The following NUCB1 variants were observed in gnomAD, a reference collection of about 807,000 sequenced individuals.
NUCB1 encodes nucleobindin-1.
NUCB1 carries 47 observed loss-of-function variants against 61.2 expected under a neutral mutation model. The ratio of observed to expected loss-of-function variants is 0.77; its 90% CI spans 0.61 to 0.98. The LOEUF is 0.98. Among genes scored for constraint, NUCB1 ranks in the 50% least tolerant of loss-of-function variants. The pLI is 0.00. For synonymous variants in NUCB1, 234 were observed against 243.1 expected (o/e 0.96, Z 0.35); for missense variants, 583 against 605.3 (o/e 0.96, Z 0.39).
chr19:48,918,951 A>C lies in NUCB1; in HGVS notation c.817-79A>C, dbSNP rs868631675. ...CCAGGAGTGGTAGCGTGCCCAAAGG[A>C]CTGCTGGGAGTTGAAGTTGTCGGGA... On this transcript the variant is annotated intron_variant, in intron 8 of 12. Coordinates refer to ENST00000405315, the MANE Select transcript of NUCB1 (RefSeq NM_006184.6). 3 of 1,444,958 alleles carry C rather than the reference A, an allele frequency of 2.1e-6. No homozygotes were observed. In the Admixed American group the frequency reaches 5.5e-5, roughly 26 times the overall value. The allele number at this position is 1,444,958 out of a possible 1,614,324, so 89.5% of individuals were successfully genotyped here.
rs116429405 is a variant in NUCB1 at position 48,922,001 on chromosome 19, G to A, written c.1279+69G>A. On this transcript the variant is annotated intron_variant, in intron 12 of 12. Transcript: ENST00000405315. Reference sequence around the variant, plus strand: ...CCTGGGTCTGAGGTTGGAGGGGCTGGGCCTGGACTCCCAGATCTGAGGGAA... The same window carrying A: ...CCTGGGTCTGAGGTTGGAGGGGCTGAGCCTGGACTCCCAGATCTGAGGGAA... The A allele has an allele frequency of 1.7e-3, 2,162 of 1,247,016 alleles. 22 individuals carry two copies. In the African/African-American group the frequency reaches 0.029, roughly 17 times the overall value. 77.2% of individuals were successfully genotyped at this position (1,247,016 alleles called of 1,614,324 possible). A position where few individuals can be genotyped will look rare whatever the true frequency, so the allele number is the denominator to read the frequency against.
intron 3 of NUCB1, among the ~76,000 whole-genome samples, chr19:48,905,019 TC>T (rs1305948425): frequency 1.3e-5 from 2 of 152,170 alleles, no homozygotes; most frequent in African/African-American, 4.8e-5. Flanking sequence ...CTATGGGGCC[TC>T]CCCTCACCGT....
At chr19:48,918,611 GT>G in intron 7 of NUCB1, 114 bp from the exon 8 acceptor site, 1 of 818,562 alleles carries the variant, frequency 1.2e-6, no homozygotes, top group Non-Finnish European at 2.2e-6. Flanking sequence ...CGGGAGACCC[GT>G]AGTTACCTGT....
chr19:48,901,623 G>GCA (rs2080525465), intron 2 of NUCB1, among the ~76,000 whole-genome samples: 3 of 152,214 alleles, frequency 2.0e-5, no homozygotes, highest in African/African-American at 7.2e-5. Flanking sequence ...AATTAGCTGG[G>GCA]CGTGGTGGCT....
intron 4 of NUCB1, among the ~76,000 whole-genome samples, chr19:48,907,722 C>A (rs996312264): frequency 2.0e-5 from 3 of 152,216 alleles, no homozygotes; most frequent in Non-Finnish European, 4.4e-5. Context: ...CTTCCCGTCC[C>A]TCCTCTGCCC....
intron 7 of NUCB1, among the ~76,000 whole-genome samples, chr19:48,915,112 TTAAA>T (rs1184588147): frequency 6.6e-6 from 1 of 151,668 alleles, no homozygotes; most frequent in African/African-American, 2.4e-5. Flanking sequence ...AAATTAAAAG[TTAAA>T]TAAATAAAGA....
At position 48,904,283 on chromosome 19, in the gene NUCB1, A is replaced by G. The variant is rs1025673992; in HGVS notation, c.136-64A>G. Reference sequence around the variant, plus strand: ...CCCCAGGGAGCAGGCCATAGCAGTAACAGGAGTGAGGGTGGGGATGGGGAT... The same window carrying G: ...CCCCAGGGAGCAGGCCATAGCAGTAGCAGGAGTGAGGGTGGGGATGGGGAT... On this transcript the variant is annotated intron_variant, in intron 2 of 12. Coordinates refer to ENST00000405315, the MANE Select transcript of NUCB1 (RefSeq NM_006184.6). 3.1e-5 allele frequency: 34 copies of G among 1,085,314 alleles called. No homozygotes were observed. In the African/African-American group the frequency reaches 4.6e-4, roughly 15 times the overall value. 67.2% of individuals were successfully genotyped at this position (1,085,314 alleles called of 1,614,324 possible).
At chr19:48,901,004 G>A in intron 2 of NUCB1, 73 bp downstream of exon 2, 1 of 1,570,124 alleles carries the variant, frequency 6.4e-7, no homozygotes, top group Non-Finnish European at 8.8e-7. Flanking sequence ...CCCGGTGCCC[G>A]TAGGGCGGAT....
intron 1 of NUCB1, 104 bp from the exon 2 acceptor site, chr19:48,900,682 T>C: frequency 7.0e-7 from 1 of 1,428,858 alleles, no homozygotes; most frequent in Non-Finnish European, 9.5e-7. Context: ...TGTGTCTTGA[T>C]TCTTGGAAGT....
In NUCB1 at chr19:48,922,319, C is replaced by A. The variant is rs62641719; in HGVS notation, c.1281C>A (p.Asp427Glu). 1 of 1,612,758 alleles carries A rather than the reference C, an allele frequency of 6.2e-7. No individual in the cohort carries two copies. Among genetic ancestry groups the A allele is most frequent in the Non-Finnish European group, 8.5e-7 (1 of 1,179,168 alleles). The change falls in exon 13 of 13, where the codon GAC (aspartate) becomes GAA (glutamate). Residue 427 changes from aspartate to glutamate, a missense_variant and splice_region_variant. Physicochemically the swap from Asp to Glu is conservative, Grantham distance 45. Transcript: ENST00000405315. ...ACCATTCCCTCCCTCCATTTCCAGA[C>A]GATGTACCTGTCCCAGCTCCAGCCG... Reference protein sequence around the residue: ...EGQLKFHPDTDDVPVPAPAGD... With the variant: ...EGQLKFHPDTEDVPVPAPAGD...
Position 48,913,371 on chromosome 19 carries a change from T to C in NUCB1, c.667-103T>C, listed in dbSNP as rs2037501513. 3.2e-6 allele frequency: 4 copies of C among 1,258,572 alleles called. No homozygotes were observed. In the Admixed American group the frequency reaches 5.6e-5, roughly 18 times the overall value. The allele number at this position is 1,258,572 out of a possible 1,614,324, so 78.0% of individuals were successfully genotyped here. On this transcript the variant is annotated intron_variant, in intron 6 of 12. Transcript: ENST00000405315. ...GTTGTAGTTTTCTTAGTTTTCTTGC[T>C]TGAGGGAGATGATGTTTGTTGGATG...
At chr19:48,914,788 A>G (rs916197513) in intron 7 of NUCB1, among the ~76,000 whole-genome samples, 1 of 151,820 alleles carries the variant, frequency 6.6e-6, no homozygotes, top group African/African-American at 2.4e-5. Context: ...TCTATTTAAA[A>G]AAAAAAAATA....
intron 7 of NUCB1, among the ~76,000 whole-genome samples, chr19:48,914,128 A>G (rs894576160): frequency 6.6e-5 from 10 of 151,736 alleles, no homozygotes; most frequent in Non-Finnish European, 1.0e-4. Flanking sequence ...GGCATGCACC[A>G]CCATGCCCGG....
At chr19:48,918,603 G>A in intron 7 of NUCB1, 123 bp from the exon 8 acceptor site, 1 of 777,440 alleles carries the variant, frequency 1.3e-6, no homozygotes, top group Non-Finnish European at 2.3e-6. Context: ...TTCCACCGCG[G>A]GAGACCCGTA....
In NUCB1 at chr19:48,921,441, C is replaced by T. The variant is rs2037609024; in HGVS notation, c.1173+117C>T. On this transcript the variant is annotated intron_variant, in intron 11 of 12. Coordinates refer to ENST00000405315, the MANE Select transcript of NUCB1 (RefSeq NM_006184.6). ...GCCACCATGTTAATCACTGGGGGAG[C>T]CTCAAGTATTCACCGCCATCTTGAG... 1.8e-5 allele frequency: 21 copies of T among 1,173,900 alleles called. 1 individual carries two copies. In the South Asian group the frequency reaches 2.6e-4, roughly 15 times the overall value. 72.7% of individuals were successfully genotyped at this position (1,173,900 alleles called of 1,614,324 possible). A position where few individuals can be genotyped will look rare whatever the true frequency, so the allele number is the denominator to read the frequency against.
chr19:48,911,395 C>A, intron 5 of NUCB1, 143 bp downstream of exon 5: 1 of 311,456 alleles, frequency 3.2e-6, no homozygotes, highest in Non-Finnish European at 5.4e-6. Flanking sequence ...TGAGTCGTTT[C>A]TTTTCTTTTC....
Position 48,919,070 on chromosome 19 carries a change from T to A in NUCB1, c.857T>A (p.Met286Lys), listed in dbSNP as rs770403727. ...VYDPKNEEDD[M>K]REMEEERLRM... ...GACCCAAAGAATGAGGAGGACGACA[T>A]GCGGGAGATGGAGGAGGAGCGACTG... Residue 286 changes from methionine (M) to lysine (K), a missense_variant, in exon 9 of 13, where the codon ATG becomes AAG. By Grantham distance (95) the Met-to-Lys change is moderately conservative. Transcript: ENST00000405315. The A allele has an allele frequency of 6.2e-7, 1 of 1,613,992 alleles. No individual in the cohort carries two copies. Among genetic ancestry groups the A allele is most frequent in the Non-Finnish European group, 8.5e-7 (1 of 1,179,980 alleles).
rs555789940 is a variant in NUCB1, at chr19:48,913,136, G to A, written c.606G>A (p.Ala202=). Residue 202 remains alanine (A), a synonymous_variant, in exon 6 of 13, where the codon GCG becomes GCA. Transcript: ENST00000405315. ...TGGGAGAGGAGCAGAGAAAGGAGGC[G>A]GAGAGGAAGCTGGAAGAGCAACAGC... ...ESLGEEQRKE[A]ERKLEEQQRR... 167 of 1,613,860 alleles carry A rather than the reference G, an allele frequency of 1.0e-4. 1 individual carries two copies. The South Asian group carries it at 1.3e-3, about 13-fold the overall frequency.
intron 7 of NUCB1, among the ~76,000 whole-genome samples, chr19:48,914,999 G>T (rs1405181724): frequency 6.6e-6 from 1 of 152,096 alleles, no homozygotes; most frequent in Non-Finnish European, 1.5e-5. Context: ...AGAATCACTT[G>T]AACCCGGGAG....
Sources: gnomAD v4.1 joint callset for allele counts (sites outside exome capture counted in the v4.1 genomes callset) on GRCh38, gnomAD v4.1.1 for gene constraint, MANE v1.5 for transcripts, NCBI Gene and HGNC (gene_info 2026-07-23, HGNC 2026-07-21) for gene names.